SAP130: variants seen among roughly 807,000 people sequenced by gnomAD.
SAP130 encodes Sin3A associated protein 130, also known as histone deacetylase complex subunit SAP130.
SAP130 carries 16 observed loss-of-function variants against 103.2 expected under a neutral mutation model. That is an observed-to-expected ratio of 0.16 (90% CI 0.10 to 0.24). The LOEUF is 0.24. SAP130 is among the 10% of genes least tolerant of loss of function. The pLI, the probability that SAP130 is intolerant of heterozygous loss-of-function variation, is 1.00. For missense variants in SAP130, 990 were observed against 1,359.7 expected, an observed-to-expected ratio of 0.73 and a Z score of 4.28; for synonymous variants, 477 against 497.0, an observed-to-expected ratio of 0.96 and a Z score of 0.53.
intron 15 of SAP130, among the ~76,000 whole-genome samples, chr2:127,976,277 T>G (rs1356008719): frequency 1.3e-5 from 2 of 152,230 alleles, no homozygotes; most frequent in Non-Finnish European, 2.9e-5. Flanking sequence ...TCCTTCATAC[T>G]CTTCTCAGAG....
chr2:128,010,232 G>A (rs1180719787), intron 7 of SAP130, 37 bp downstream of exon 7: 7 of 1,585,680 alleles, frequency 4.4e-6, no homozygotes, highest in Non-Finnish European at 5.2e-6. Flanking sequence ...GGAGGAGGAT[G>A]GCAGGAAGGT....
At chr2:127,999,658 T>A in intron 10 of SAP130, 83 bp downstream of exon 10, 4 of 598,996 alleles carry the variant, frequency 6.7e-6, no homozygotes, top group South Asian at 4.2e-5. Flanking sequence ...TAAAAATCAA[T>A]ACTAGCCATC....
intron 7 of SAP130, among the ~76,000 whole-genome samples, chr2:128,006,036 C>T (rs1468168922): frequency 1.3e-5 from 2 of 149,356 alleles, no homozygotes; most frequent in African/African-American, 2.5e-5. Context: ...TGATATTCAA[C>T]GAAAAAGAAT....
intron 12 of SAP130, among the ~76,000 whole-genome samples, chr2:127,990,938 C>CAAAAA (rs36073149): frequency 8.4e-6 from 1 of 119,482 alleles, no homozygotes. Flanking sequence ...AAGACTGTCT[C>CAAAAA]AAAAAAAAAA....
chr2:127,948,672 T>G (rs991722537), intron 18 of SAP130, among the ~76,000 whole-genome samples: 1 of 152,060 alleles, frequency 6.6e-6, no homozygotes, highest in African/African-American at 2.4e-5. Context: ...CTTGATGTAT[T>G]TATATATAAT....
chr2:127,955,136 G>A lies in SAP130; in HGVS notation c.2272C>T (p.Pro758Ser). The change falls in exon 16 of 21, where the codon CCC (proline) becomes TCC (serine). Residue 758 changes from proline to serine, a missense_variant. Pro to Ser is a moderately conservative substitution (Grantham distance 74). Transcript: ENST00000643581. The surrounding 1 kb of genome is among the most constrained non-coding windows in gnomAD (Gnocchi z 4.9). The stretch of plus-strand genomic sequence containing the variant: ...ATGGTGGTGATGGGTGGAGTGATGG[G>A]GACCGCTCCAGGAATGGTTGAAAGG... ...VALSTIPGAVPITPPITTIAA... is the reference protein window; with the variant it reads ...VALSTIPGAVSITPPITTIAA... 2 of 1,614,158 alleles carry A rather than the reference G, an allele frequency of 1.2e-6. No individual in the cohort carries two copies. The highest frequency in any genetic ancestry group is 2.2e-5 in the East Asian group (1 of 44,880).
At chr2:127,945,317 GC>G (rs1679000608) in intron 19 of SAP130, 138 bp downstream of exon 19, 1 of 611,598 alleles carries the variant, frequency 1.6e-6, no homozygotes, top group African/African-American at 1.8e-5. Context: ...ATATTACATA[GC>G]ACACATAAAA....
intron 15 of SAP130, among the ~76,000 whole-genome samples, chr2:127,957,951 A>C (rs1463718121): frequency 6.6e-6 from 1 of 152,208 alleles, no homozygotes; most frequent in East Asian, 1.9e-4. Context: ...ATCATGAAAG[A>C]AATAATACAT....
At chr2:128,011,751 C>G (rs1357208578) in intron 6 of SAP130, among the ~76,000 whole-genome samples, 1 of 152,214 alleles carries the variant, frequency 6.6e-6, no homozygotes, top group African/African-American at 2.4e-5. Context: ...ATACATCTGT[C>G]TGTCCCCTGA....
chr2:127,971,780 TTTG>T (rs1406349437), intron 15 of SAP130, among the ~76,000 whole-genome samples: 2 of 152,208 alleles, frequency 1.3e-5, no homozygotes, highest in African/African-American at 2.4e-5. Context: ...AGGTGGTTAT[TTTG>T]TTATGTTATT....
intron 6 of SAP130, among the ~76,000 whole-genome samples, chr2:128,011,906 G>A (rs563959137): frequency 2.0e-5 from 3 of 152,076 alleles, no homozygotes; most frequent in East Asian, 1.9e-4. Context: ...TCTGCCTCTC[G>A]GACTCAAGTG....
At chr2:127,993,947 G>A (rs1383493874) in intron 11 of SAP130, among the ~76,000 whole-genome samples, 1 of 152,000 alleles carries the variant, frequency 6.6e-6, no homozygotes, top group African/African-American at 2.4e-5. Context: ...GCTTAATATA[G>A]CCTTGTTACT....
At chr2:128,010,158 T>TA (rs879770101) in intron 7 of SAP130, 111 bp downstream of exon 7, 27,082 of 936,108 alleles carry the variant, frequency 0.029, 4 homozygotes, top group South Asian at 0.033. Flanking sequence ...TAGCTCATTA[T>TA]AAAAAAAAAA....
At chr2:128,004,774 C>T (rs924393951) in intron 7 of SAP130, among the ~76,000 whole-genome samples, 1 of 152,068 alleles carries the variant, frequency 6.6e-6, no homozygotes, top group Non-Finnish European at 1.5e-5. Context: ...AGAGGCTTTG[C>T]CATTTTAAGT....
chr2:127,943,544 G>T (rs1402174104), intron 19 of SAP130, among the ~76,000 whole-genome samples: 1 of 152,194 alleles, frequency 6.6e-6, no homozygotes, highest in South Asian at 2.1e-4. Flanking sequence ...CTGCTCCTAG[G>T]CTACAAACAT....
At position 127,941,941 on chromosome 2, in the gene SAP130, A is replaced by AACCCCCCC; in HGVS notation, c.*64_*65insGGGGGGGT. Reference sequence around the variant, plus strand: ...ATGTTCCACTTTGGAAAAAACCAAAACCCTCCCCCCACCCCCACCATCATT... The same window carrying AACCCCCCC: ...ATGTTCCACTTTGGAAAAAACCAAAAACCCCCCCCCCTCCCCCCACCCCCACCATCATT... On this transcript the variant is annotated 3_prime_UTR_variant, in exon 21 of 21. Coordinates refer to ENST00000643581, the MANE Select transcript of SAP130 (RefSeq NM_001330301.2). The AACCCCCCC allele has an allele frequency of 3.6e-6, 1 of 276,732 alleles. No individual in the cohort carries two copies. Among genetic ancestry groups the AACCCCCCC allele is most frequent in the South Asian group, 2.7e-5 (1 of 37,576 alleles). The allele number at this position is 276,732 out of a possible 1,614,324, so 17.1% of individuals were successfully genotyped here.
At chr2:127,974,721 G>A (rs555040462) in intron 15 of SAP130, among the ~76,000 whole-genome samples, 1 of 152,226 alleles carries the variant, frequency 6.6e-6, no homozygotes, top group Non-Finnish European at 1.5e-5. Flanking sequence ...GCTGAGGCAG[G>A]AGAATCGGTT....
intron 16 of SAP130, among the ~76,000 whole-genome samples, chr2:127,954,380 T>C (rs1679689345): frequency 6.6e-6 from 1 of 151,992 alleles, no homozygotes. Context: ...TTGTTTATAC[T>C]TCACACAGTT....
Position 127,989,395 on chromosome 2 carries a change from G to A in SAP130, c.1780+169C>T, listed in dbSNP as rs1559073122. Among the ~76,000 whole-genome samples the A allele has an allele frequency of 1.3e-5, 2 of 151,968 alleles. No homozygotes were observed. Among genetic ancestry groups the A allele is most frequent in the South Asian group, 2.1e-4 (1 of 4,816 alleles). ...TACAGTGAGGTATATTATTTCTAAC[G>A]TTTACAGTGACCCTGAAACTCTAAG... On this transcript the variant is annotated intron_variant, in intron 13 of 20. Transcript: ENST00000643581. The surrounding 1 kb of genome is among the most constrained non-coding windows in gnomAD (Gnocchi z 4.6).
Sources: allele counts gnomAD v4.1 joint callset (sites outside exome capture counted in the v4.1 genomes callset), GRCh38; gene constraint gnomAD v4.1.1; non-coding constraint Gnocchi (gnomAD v3.1); transcripts MANE v1.5; gene names NCBI Gene and HGNC (gene_info 2026-07-23, HGNC 2026-07-21).